NWD2: variants seen among roughly 807,000 people sequenced by gnomAD.
The protein encoded by NWD2 is NACHT and WD repeat domain-containing protein 2.
A neutral mutation model predicts 132.7 loss-of-function variants in NWD2; 37 were observed. That is an observed-to-expected ratio of 0.28 (90% CI 0.21 to 0.37). NWD2 has a LOEUF of 0.37. NWD2 is among the 10% of genes least tolerant of loss of function. The probability of loss-of-function intolerance (pLI) is 1.00; values close to 1 mark genes in which losing one functional copy is unlikely to be tolerated. For missense variants in NWD2, 1,592 were observed against 2,122.4 expected (o/e 0.75, Z 4.91); for synonymous variants, 705 against 803.0 (o/e 0.88, Z 2.06).
chr4:37,280,653 C>G (rs1718109000), intron 1 of NWD2, among the ~76,000 whole-genome samples: 1 of 152,058 alleles, frequency 6.6e-6, no homozygotes, highest in Non-Finnish European at 1.5e-5. Flanking sequence ...TACACTCAAG[C>G]TAGGTTAACT....
At chr4:37,412,605 T>C (rs1390526473) in intron 3 of NWD2, among the ~76,000 whole-genome samples, 3 of 152,150 alleles carry the variant, frequency 2.0e-5, no homozygotes, top group Non-Finnish European at 2.9e-5. Flanking sequence ...TACCATGGAC[T>C]TTCTTCACAG....
intron 1 of NWD2, among the ~76,000 whole-genome samples, chr4:37,286,310 C>T (rs1272607858): frequency 6.6e-6 from 1 of 152,198 alleles, no homozygotes; most frequent in East Asian, 1.9e-4. Flanking sequence ...GTTGAAATAT[C>T]ATCCAAATTA....
intron 1 of NWD2, among the ~76,000 whole-genome samples, chr4:37,280,092 A>C (rs1577653935): frequency 6.6e-6 from 1 of 152,346 alleles, no homozygotes; most frequent in East Asian, 1.9e-4. Context: ...AGATTCGCAG[A>C]AACTGAAACT....
At chr4:37,413,318 A>G (rs1482586169) in intron 3 of NWD2, among the ~76,000 whole-genome samples, 1 of 152,222 alleles carries the variant, frequency 6.6e-6, no homozygotes, top group African/African-American at 2.4e-5. Context: ...AAGGATATGA[A>G]CAGACATTTC....
intron 2 of NWD2, among the ~76,000 whole-genome samples, chr4:37,329,706 G>T (rs565543272): frequency 6.6e-6 from 1 of 152,146 alleles, no homozygotes; most frequent in African/African-American, 2.4e-5. Flanking sequence ...AGACCTCATG[G>T]GCCAAGATTA....
At chr4:37,341,556 G>A (rs1038985328) in intron 2 of NWD2, among the ~76,000 whole-genome samples, 4 of 152,102 alleles carry the variant, frequency 2.6e-5, no homozygotes, top group East Asian at 3.9e-4. Flanking sequence ...AGTGTTAGGC[G>A]GGGACCTGAT....
At chr4:37,319,072 A>G (rs1719018482) in intron 1 of NWD2, among the ~76,000 whole-genome samples, 1 of 152,162 alleles carries the variant, frequency 6.6e-6, no homozygotes, top group African/African-American at 2.4e-5. Flanking sequence ...TCCACAGTGA[A>G]TAAACTAATT....
Position 37,443,474 on chromosome 4 carries a change from T to C in NWD2, c.1486T>C (p.Phe496Leu). The change falls in exon 7 of 7, where the codon TTT becomes CTT. Residue 496 changes from phenylalanine to leucine, a missense_variant. This residue lies in a region of NWD2 where 1,071 missense variants were observed against 1,398.0 expected (regional missense o/e 0.77). Transcript: ENST00000309447. This position sits in a 1 kb window ranked among gnomAD's most constrained non-coding sequence, Gnocchi z 4.1. ...GAAGATCCATGACCTCTGTGACTTA[T>C]TTATAAATCTTTTGAATGAGTCTTC... ...PKKIHDLCDL[F>L]INLLNESSLQ... is the part of the protein sequence containing the mutation. 2 of 1,552,134 alleles carry C rather than the reference T, an allele frequency of 1.3e-6. No individual in the cohort carries two copies. Among genetic ancestry groups the C allele is most frequent in the Non-Finnish European group, 1.7e-6 (2 of 1,147,092 alleles).
Position 37,277,440 on chromosome 4 carries a change from G to C in NWD2, c.151+32222G>C, listed in dbSNP as rs75539879. On this transcript the variant is annotated intron_variant, in intron 1 of 6. Coordinates refer to ENST00000309447, the MANE Select transcript of NWD2 (RefSeq NM_001144990.2). ...ATGTCCCACAGGTCCCTGATGCTTG[G>C]GTTCATTTGTCTTTAATCTTGGCTC... 2.2e-3 allele frequency among the ~76,000 whole-genome samples: 333 copies of C among 151,488 alleles called. 3 individuals carry two copies. Among genetic ancestry groups the C allele is most frequent in the African/African-American group, 7.7e-3 (318 of 41,274 alleles).
At chr4:37,436,515 T>C (rs185303193) in intron 5 of NWD2, among the ~76,000 whole-genome samples, 5 of 152,266 alleles carry the variant, frequency 3.3e-5, no homozygotes, top group African/African-American at 1.2e-4. Flanking sequence ...TGTATTTCTT[T>C]TTTTGCTCCA....
chr4:37,385,200 T>C (rs1163377626), intron 3 of NWD2, among the ~76,000 whole-genome samples: 1 of 152,142 alleles, frequency 6.6e-6, no homozygotes, highest in African/African-American at 2.4e-5. Flanking sequence ...AAAGCCTCTC[T>C]ACTCTTGGTT....
chr4:37,430,171 G>C (rs1712131166), intron 3 of NWD2, among the ~76,000 whole-genome samples: 1 of 152,090 alleles, frequency 6.6e-6, no homozygotes, highest in Non-Finnish European at 1.5e-5. Flanking sequence ...TATGCTATCA[G>C]TTCTTGACAG....
intron 1 of NWD2, among the ~76,000 whole-genome samples, chr4:37,247,090 A>T (rs1045942854): frequency 1.3e-5 from 2 of 152,256 alleles, no homozygotes; most frequent in African/African-American, 2.4e-5. Context: ...TGAGCTGGAC[A>T]GCTTCCACAA....
At chr4:37,252,965 A>T (rs1467886205) in intron 1 of NWD2, among the ~76,000 whole-genome samples, 1 of 151,866 alleles carries the variant, frequency 6.6e-6, no homozygotes, top group Non-Finnish European at 1.5e-5. Flanking sequence ...CAGGGAAAGG[A>T]GGAATTAATA....
chr4:37,256,092 A>G (rs1717513253), intron 1 of NWD2, among the ~76,000 whole-genome samples: 1 of 152,226 alleles, frequency 6.6e-6, no homozygotes, highest in African/African-American at 2.4e-5. Context: ...TGCTTTTGGA[A>G]TACATTAGAG....
rs1361822398 is a variant in NWD2, at chr4:37,438,984, A to C, written c.890A>C (p.Lys297Thr). 6.4e-7 allele frequency: 1 copy of C among 1,551,976 alleles called. No individual in the cohort carries two copies. Among genetic ancestry groups the C allele is most frequent in the East Asian group, 2.4e-5 (1 of 40,914 alleles). Residue 297 changes from lysine (K) to threonine (T), a missense_variant, in exon 6 of 7, where the codon AAG (lysine) becomes ACG (threonine). Lys to Thr is a moderately conservative substitution (Grantham distance 78). Transcript: ENST00000309447. ...RIIRDPEAQE[K>T]LIKLRDEFIP... ...ATTCGGGACCCAGAAGCCCAAGAGA[A>C]GCTGATAAAACTCAGGGATGAATTT...
intron 3 of NWD2, among the ~76,000 whole-genome samples, chr4:37,415,849 C>A (rs1270410936): frequency 6.6e-6 from 1 of 152,134 alleles, no homozygotes; most frequent in Non-Finnish European, 1.5e-5. Context: ...ACGCTGATAT[C>A]ACCATTTAAA....
chr4:37,270,413 A>G (rs576513322), intron 1 of NWD2, among the ~76,000 whole-genome samples: 2 of 151,960 alleles, frequency 1.3e-5, no homozygotes, highest in African/African-American at 4.8e-5. Context: ...CTGTATCCCC[A>G]AAGGATAACA....
intron 3 of NWD2, among the ~76,000 whole-genome samples, chr4:37,362,068 A>G (rs957902826): frequency 2.0e-5 from 3 of 152,176 alleles, no homozygotes; most frequent in Non-Finnish European, 4.4e-5. Context: ...TCTATTTACA[A>G]TAGCCACAAA....
Sources: gnomAD v4.1 joint callset for allele counts (sites outside exome capture counted in the v4.1 genomes callset) on GRCh38, gnomAD v4.1.1 for gene constraint, gnomAD v4.1.1 regional missense constraint, Gnocchi (gnomAD v3.1) non-coding constraint, MANE v1.5 for transcripts, NCBI Gene and HGNC (gene_info 2026-07-23, HGNC 2026-07-21) for gene names.